Variants in RYR2 observed in about 807,000 individuals in gnomAD.
The protein encoded by RYR2 is ryanodine receptor 2, also known as cardiac muscle ryanodine receptor-calcium release channel.
Under a neutral mutation model 601.1 loss-of-function variants are expected in RYR2, and 227 were observed. That is an observed-to-expected ratio of 0.38 (90% CI 0.34 to 0.42). The LOEUF is 0.42. Among genes scored for constraint, RYR2 ranks in the 10% least tolerant of loss-of-function variants. RYR2 has a pLI of 1.00. For synonymous variants in RYR2, 2,223 were observed against 2,175.1 expected (o/e 1.02, Z -0.61); for missense variants, 4,646 against 6,156.5 (o/e 0.75, Z 8.21).
chr1:237,086,416 A>G (rs1044462029), intron 1 of RYR2, among the ~76,000 whole-genome samples: 7 of 152,148 alleles, frequency 4.6e-5, no homozygotes, highest in Non-Finnish European at 8.8e-5. Flanking sequence ...ATACAGTCAC[A>G]TTAGAGCTTT....
At chr1:237,211,429 AT>A (rs1429803615) in intron 1 of RYR2, among the ~76,000 whole-genome samples, 1 of 152,062 alleles carries the variant, frequency 6.6e-6, no homozygotes, top group Non-Finnish European at 1.5e-5. Context: ...CAATCTTCTG[AT>A]TTTTTTCAGA....
At chr1:237,631,625 T>G in intron 42 of RYR2, 84 bp downstream of exon 42, 1 of 314,828 alleles carries the variant, frequency 3.2e-6, no homozygotes, top group Non-Finnish European at 4.5e-6. Flanking sequence ...TTTTTTTTTT[T>G]TTTTTTTTTT....
chr1:237,375,601 CAA>C (rs1339346223), intron 7 of RYR2, among the ~76,000 whole-genome samples: 1 of 152,172 alleles, frequency 6.6e-6, no homozygotes, highest in East Asian at 1.9e-4. Context: ...AAGGTGAAAA[CAA>C]AGCTATGTTT....
At chr1:237,328,658 T>C (rs1696400068) in intron 2 of RYR2, among the ~76,000 whole-genome samples, 1 of 152,078 alleles carries the variant, frequency 6.6e-6, no homozygotes, top group Non-Finnish European at 1.5e-5. Flanking sequence ...TTGTGTGGTC[T>C]GAGTAAGCTT....
Position 237,721,568 on chromosome 1 carries a change from A to T in RYR2, c.10555-1560A>T, listed in dbSNP as rs971437768. 1.4e-4 allele frequency among the ~76,000 whole-genome samples: 22 copies of T among 152,092 alleles called. 1 individual carries two copies. The highest frequency in any genetic ancestry group is 3.9e-4 in the Admixed American group (6 of 15,262). On this transcript the variant is annotated intron_variant, in intron 73 of 104. Transcript: ENST00000366574. ...AGTCTCACTCTGTCACTCAGACTGG[A>T]GGGCATTGGTGCAATCTCGGTTCAC...
At chr1:237,364,430 G>A in intron 5 of RYR2, 58 bp downstream of exon 5, 1 of 923,612 alleles carries the variant, frequency 1.1e-6, no homozygotes, top group Non-Finnish European at 1.6e-6. Context: ...TACTATATAT[G>A]GATTATATAT....
At position 237,674,702 on chromosome 1, in the gene RYR2, CT is replaced by C. The variant is rs774852247; in HGVS notation, c.8715-26del. On this transcript the variant is annotated intron_variant, in intron 59 of 104. Transcript: ENST00000366574. ...CTTCTAAGAGGCTTTGTACAAATTG[CT>C]TTCCCATTTTCATTTTTGCTCTTCC... is the stretch of plus-strand genomic sequence containing the variant. 6.0e-6 allele frequency: 8 copies of C among 1,333,732 alleles called. No individual in the cohort carries two copies. The East Asian group carries it at 1.8e-4, about 31-fold the overall frequency. The allele number at this position is 1,333,732 out of a possible 1,614,324, so 82.6% of individuals were successfully genotyped here.
At chr1:237,641,345 C>T (rs576326982) in intron 47 of RYR2, among the ~76,000 whole-genome samples, 12 of 152,190 alleles carry the variant, frequency 7.9e-5, no homozygotes, top group Non-Finnish European at 1.8e-4. Flanking sequence ...ACTGCTCCTA[C>T]CAAAAGTCAT....
At chr1:237,791,301 A>C (rs904207046) in intron 92 of RYR2, 128 bp from the exon 93 acceptor site, 4 of 638,222 alleles carry the variant, frequency 6.3e-6, no homozygotes, top group Non-Finnish European at 1.1e-5. Context: ...CAGCACCAAG[A>C]ATGGTGCTTG....
At chr1:237,718,659 A>G (rs1573655337) in intron 73 of RYR2, 138 bp downstream of exon 73, 2 of 427,624 alleles carry the variant, frequency 4.7e-6, no homozygotes, top group Non-Finnish European at 8.5e-6. Flanking sequence ...CCTACTTGCA[A>G]AGCCTTTTGT....
At chr1:237,171,173 G>A (rs1677327413) in intron 1 of RYR2, among the ~76,000 whole-genome samples, 2 of 150,468 alleles carry the variant, frequency 1.3e-5, no homozygotes, top group South Asian at 4.2e-4. Context: ...GGCGGAGCTT[G>A]CAGTGAGCCG....
Position 237,744,471 on chromosome 1 carries a change from T to C in RYR2, c.11145+2122T>C, listed in dbSNP as rs553538136. 5.5e-4 allele frequency among the ~76,000 whole-genome samples: 84 copies of C among 151,806 alleles called. 1 individual carries two copies. Among genetic ancestry groups the C allele is most frequent in the African/African-American group, 2.0e-3 (82 of 41,408 alleles). ...AGGAGTTTGAGACCAGCCTGGCCAA[T>C]GTGGTGAAACCTCATCTCTACTAAA... On this transcript the variant is annotated intron_variant, in intron 80 of 104. Transcript: ENST00000366574.
intron 1 of RYR2, among the ~76,000 whole-genome samples, chr1:237,254,709 TCTG>T (rs1419949528): frequency 6.6e-6 from 1 of 152,212 alleles, no homozygotes; most frequent in Non-Finnish European, 1.5e-5. Context: ...ATGGGTCTCA[TCTG>T]CTCTAAATAT....
At chr1:237,504,882 C>A (rs894661276) in intron 22 of RYR2, among the ~76,000 whole-genome samples, 1 of 152,120 alleles carries the variant, frequency 6.6e-6, no homozygotes, top group African/African-American at 2.4e-5. Flanking sequence ...TTCTCTCTCA[C>A]ATCATCAGGC....
At chr1:237,118,180 AATTG>A (rs1272198046) in intron 1 of RYR2, among the ~76,000 whole-genome samples, 1 of 152,190 alleles carries the variant, frequency 6.6e-6, no homozygotes, top group Admixed American at 6.5e-5. Context: ...TTTAAATTGA[AATTG>A]ATTGAAATTT....
chr1:237,584,313 C>T (rs756560970), intron 29 of RYR2, among the ~76,000 whole-genome samples: 1 of 152,086 alleles, frequency 6.6e-6, no homozygotes, highest in Non-Finnish European at 1.5e-5. Flanking sequence ...TGTCATTTAC[C>T]AACCTGTTTT....
At chr1:237,509,262 T>C (rs11580260) in intron 23 of RYR2, among the ~76,000 whole-genome samples, 68,627 of 151,888 alleles carry the variant, frequency 0.45, 15,682 homozygotes, top group East Asian at 0.52. Flanking sequence ...ATTTGCAGTC[T>C]GCTTCTTTTC....
intron 17 of RYR2, among the ~76,000 whole-genome samples, chr1:237,491,365 C>T (rs1046261457): frequency 4.6e-5 from 7 of 152,110 alleles, no homozygotes; most frequent in African/African-American, 1.7e-4. Context: ...TAAACTGGCC[C>T]TAACCCACCT....
intron 1 of RYR2, among the ~76,000 whole-genome samples, chr1:237,050,604 T>C (rs1230091464): frequency 6.6e-6 from 1 of 152,244 alleles, no homozygotes; most frequent in Non-Finnish European, 1.5e-5. Context: ...TAATTGTTTC[T>C]CTTTCCTCCT....
Sources: gnomAD v4.1 joint callset for allele counts (sites outside exome capture counted in the v4.1 genomes callset) on GRCh38, gnomAD v4.1.1 for gene constraint, MANE v1.5 for transcripts, NCBI Gene and HGNC (gene_info 2026-07-23, HGNC 2026-07-21) for gene names.